The following PAGR1 variants were observed in gnomAD, a reference collection of about 807,000 sequenced individuals.
PAGR1 encodes PAXIP1-associated glutamate-rich protein 1.
PAGR1 carries 20 observed loss-of-function variants against 22.4 expected under a neutral mutation model. That is an observed-to-expected ratio of 0.89 (90% CI 0.63 to 1.30). PAGR1 has a LOEUF of 1.30. Ranked by LOEUF, PAGR1 falls within the 50% of genes most tolerant of loss-of-function variation. The pLI, the probability that PAGR1 is intolerant of heterozygous loss-of-function variation, is 0.00. For synonymous variants in PAGR1, 161 were observed against 148.3 expected (o/e 1.09, Z -0.62); for missense variants, 338 against 343.6 (o/e 0.98, Z 0.13).
chr16:29,818,749 G>A (rs1900297895), intron 2 of PAGR1, among the ~76,000 whole-genome samples: 1 of 152,162 alleles, frequency 6.6e-6, no homozygotes, highest in African/African-American at 2.4e-5. Context: ...TTCTAGTAGA[G>A]AGGGGGTTTC....
rs370717894 is a variant in PAGR1 at position 29,819,551 on chromosome 16, C to T, written c.566-4C>T. The T allele has an allele frequency of 1.9e-6, 3 of 1,613,900 alleles. No individual in the cohort carries two copies. Among genetic ancestry groups the T allele is most frequent in the Middle Eastern group, 1.6e-4 (1 of 6,084 alleles). On this transcript the variant is annotated splice_polypyrimidine_tract_variant and splice_region_variant and intron_variant, in intron 2 of 2. Transcript: ENST00000320330. The stretch of plus-strand genomic sequence containing the variant: ...TCCATGTATCTTACCTTCCTCTTCT[C>T]CAGGAAGCTCAGCCCGGAGCCAGAA...
Position 29,819,995 on chromosome 16 carries a change from T to G in PAGR1, c.*241T>G. 1 of 512,538 alleles carries G rather than the reference T, an allele frequency of 2.0e-6. No homozygotes were observed. The highest frequency in any genetic ancestry group is 3.1e-5 in the South Asian group (1 of 32,618). 31.7% of individuals were successfully genotyped at this position (512,538 alleles called of 1,614,324 possible). On this transcript the variant is annotated 3_prime_UTR_variant, in exon 3 of 3. Coordinates refer to ENST00000320330, the MANE Select transcript of PAGR1 (RefSeq NM_024516.4). ...ACCTATAGAGAGAGTGTGTGTGTTT[T>G]CTATTGAACATCTATATAGAGAGAG...
rs777941165 is a variant in PAGR1 at position 29,821,687 on chromosome 16, C to G, written c.*1933C>G. On this transcript the variant is annotated 3_prime_UTR_variant, in exon 3 of 3. Transcript: ENST00000320330. ...TACAGTTATAGCCAGGTTGGACTTCCGGCTCCGTCCTTTGATAACTGTGTG... is the reference window on the plus strand; with the variant it reads ...TACAGTTATAGCCAGGTTGGACTTCGGGCTCCGTCCTTTGATAACTGTGTG... Among the ~76,000 whole-genome samples, 1 of 152,192 alleles carries G rather than the reference C, an allele frequency of 6.6e-6. No individual in the cohort carries two copies. The highest frequency in any genetic ancestry group is 2.1e-4 in the South Asian group (1 of 4,832).
At chr16:29,819,324 C>A in intron 2 of PAGR1, 1 of 561,700 alleles carries the variant, frequency 1.8e-6, no homozygotes. Context: ...CCTTGCCATT[C>A]CCCTGCCCAG....
Position 29,817,259 on chromosome 16 carries a change from A to C in PAGR1, c.532A>C (p.Lys178Gln). 6.2e-7 allele frequency: 1 copy of C among 1,613,928 alleles called. No homozygotes were observed. Among genetic ancestry groups the C allele is most frequent in the Non-Finnish European group, 8.5e-7 (1 of 1,179,968 alleles). ...FDFDDEPVTPKDSLIDRRRTP... is the reference protein window; with the variant it reads ...FDFDDEPVTPQDSLIDRRRTP... ...TTTTGATGATGAGCCAGTGACACCA[A>C]AGGACTCCCTGATTGACCGGAGACG... The change falls in exon 2 of 3, where the codon AAG becomes CAG. Residue 178 changes from lysine (K) to glutamine (Q), a missense_variant. Physicochemically the swap from Lys to Gln is moderately conservative, Grantham distance 53. Around this residue, in one of 3 missense-constraint regions of PAGR1, gnomAD observed 51 missense variants for 83.1 expected, o/e 0.61. Coordinates refer to ENST00000320330, the MANE Select transcript of PAGR1 (RefSeq NM_024516.4).
chr16:29,821,438 T>A lies in PAGR1; in HGVS notation c.*1684T>A, dbSNP rs1162687066. ...GGTGGCCCAGAGACAGCCTCAGGGC[T>A]CCAAGGTAACGGGGTGCTCAGGTTA... On this transcript the variant is annotated 3_prime_UTR_variant, in exon 3 of 3. Coordinates refer to ENST00000320330, the MANE Select transcript of PAGR1 (RefSeq NM_024516.4). The A allele has an allele frequency of 6.6e-6, 1 of 152,188 alleles. No individual in the cohort carries two copies. Among genetic ancestry groups the A allele is most frequent in the Non-Finnish European group, 1.5e-5 (1 of 68,060 alleles). 9.4% of individuals were successfully genotyped at this position (152,188 alleles called of 1,614,324 possible).
chr16:29,817,559 C>T (rs534048469), intron 2 of PAGR1, among the ~76,000 whole-genome samples: 2 of 147,222 alleles, frequency 1.4e-5, no homozygotes, highest in South Asian at 2.2e-4. Context: ...CTGCAACCTC[C>T]GCCTCCTGGG....
intron 2 of PAGR1, among the ~76,000 whole-genome samples, chr16:29,817,794 A>G (rs1900281777): frequency 6.6e-6 from 1 of 151,978 alleles, no homozygotes; most frequent in African/African-American, 2.4e-5. Flanking sequence ...TTAAGAGACA[A>G]TTATAATACA....
chr16:29,816,458 C>A lies in PAGR1; in HGVS notation c.-68C>A. ...ACGGTCCCGAACCCCCAGGGGAGCC[C>A]GATCCCTGGGGGACCCTGGCTTCGG... On this transcript the variant is annotated 5_prime_UTR_variant, in exon 1 of 3. Transcript: ENST00000320330. 2 of 1,374,678 alleles carry A rather than the reference C, an allele frequency of 1.5e-6. No homozygotes were observed. The highest frequency in any genetic ancestry group is 2.6e-5 in the East Asian group (1 of 38,184). The allele number at this position is 1,374,678 out of a possible 1,614,324, so 85.2% of individuals were successfully genotyped here. A position where few individuals can be genotyped will look rare whatever the true frequency, so the allele number is the denominator to read the frequency against.
In PAGR1 at chr16:29,816,449, A is replaced by T; in HGVS notation, c.-77A>T. On this transcript the variant is annotated 5_prime_UTR_variant, in exon 1 of 3. Coordinates refer to ENST00000320330, the MANE Select transcript of PAGR1 (RefSeq NM_024516.4). ...TGGCTGGAAACGGTCCCGAACCCCC[A>T]GGGGAGCCCGATCCCTGGGGGACCC... is the stretch of plus-strand genomic sequence containing the variant. 1 of 1,360,120 alleles carries T rather than the reference A, an allele frequency of 7.4e-7. No individual in the cohort carries two copies. The highest frequency in any genetic ancestry group is 9.6e-7 in the Non-Finnish European group (1 of 1,045,798). 84.3% of individuals were successfully genotyped at this position (1,360,120 alleles called of 1,614,324 possible). A position where few individuals can be genotyped will look rare whatever the true frequency, so the allele number is the denominator to read the frequency against.
Position 29,816,555 on chromosome 16 carries a change from T to G in PAGR1, c.30T>G (p.Thr10=), listed in dbSNP as rs879756491. 11 of 1,511,400 alleles carry G rather than the reference T, an allele frequency of 7.3e-6. No homozygotes were observed. The highest frequency in any genetic ancestry group is 7.1e-6 in the Non-Finnish European group (8 of 1,132,188). 93.6% of individuals were successfully genotyped at this position (1,511,400 alleles called of 1,614,324 possible). Residue 10 remains threonine (T), a synonymous_variant, in exon 1 of 3, where the codon ACT becomes ACG. Coordinates refer to ENST00000320330, the MANE Select transcript of PAGR1 (RefSeq NM_024516.4). The part of the protein sequence containing the change: MSLARGHGD[T]AASTAAPLSE... The stretch of plus-strand genomic sequence containing the variant: ...CCCTTGCTCGGGGCCATGGAGACAC[T>G]GCGGCCAGTACGGCGGCGCCTCTGT...
rs549866532 is a variant in PAGR1 at position 29,819,897 on chromosome 16, G to A, written c.*143G>A. ...CAGCACGTTGCGGGAAAGAGGAAGA[G>A]AGAGTGTGAGTGTGTGTGTGTGTTT... is the stretch of plus-strand genomic sequence containing the variant. On this transcript the variant is annotated 3_prime_UTR_variant, in exon 3 of 3. Transcript: ENST00000320330. The A allele has an allele frequency of 2.9e-4, 262 of 909,314 alleles. 5 individuals are homozygous for A. In the South Asian group the frequency reaches 3.3e-3, roughly 11 times the overall value. 56.3% of individuals were successfully genotyped at this position (909,314 alleles called of 1,614,324 possible). A position where few individuals can be genotyped will look rare whatever the true frequency, so the allele number is the denominator to read the frequency against.
rs775322581 is a variant in PAGR1 at position 29,821,320 on chromosome 16, C to T, written c.*1566C>T. 4 of 152,358 alleles carry T rather than the reference C, an allele frequency of 2.6e-5. No individual in the cohort carries two copies. Among genetic ancestry groups the T allele is most frequent in the Non-Finnish European group, 5.9e-5 (4 of 68,176 alleles). 9.4% of individuals were successfully genotyped at this position (152,358 alleles called of 1,614,324 possible). A position where few individuals can be genotyped will look rare whatever the true frequency, so the allele number is the denominator to read the frequency against. ...GGCTCTGCCAGAAACTCCCTTGGCA[C>T]ACAGAGCACTGGGTCGGCCCTCGGG... On this transcript the variant is annotated 3_prime_UTR_variant, in exon 3 of 3. Transcript: ENST00000320330.
intron 1 of PAGR1, 41 bp from the exon 2 acceptor site, chr16:29,817,169 G>A (rs2150746246): frequency 6.2e-7 from 1 of 1,612,972 alleles, no homozygotes; most frequent in Non-Finnish European, 8.5e-7. Flanking sequence ...TGGGTGGGAG[G>A]GAGGACCGCC....
At position 29,816,541 on chromosome 16, in the gene PAGR1, G is replaced by A. The variant is rs1333768310; in HGVS notation, c.16G>A (p.Gly6Ser). Residue 6 changes from glycine to serine, a missense_variant, in exon 1 of 3, where the codon GGC becomes AGC. Physicochemically the swap from Gly to Ser is moderately conservative, Grantham distance 56. This residue lies in a region of PAGR1 where 235 missense variants were observed against 216.0 expected (regional missense o/e 1.09). Transcript: ENST00000320330. ...CTAGTGGCCTATGTCCCTTGCTCGGGGCCATGGAGACACTGCGGCCAGTAC... is the reference window on the plus strand; with the variant it reads ...CTAGTGGCCTATGTCCCTTGCTCGGAGCCATGGAGACACTGCGGCCAGTAC... MSLAR[G>S]HGDTAASTAA... is the part of the protein sequence containing the mutation. The A allele has an allele frequency of 2.6e-6, 4 of 1,509,594 alleles. No homozygotes were observed. The African/African-American group carries it at 5.6e-5, about 21-fold the overall frequency. 93.5% of individuals were successfully genotyped at this position (1,509,594 alleles called of 1,614,324 possible).
chr16:29,822,478 A>C lies in PAGR1; in HGVS notation c.*2724A>C, dbSNP rs1025831985. On this transcript the variant is annotated 3_prime_UTR_variant, in exon 3 of 3. Transcript: ENST00000320330. ...AAGACTAGAATATTTAACTTAAATC[A>C]GTGAGAAACTCTGTGAAGTTGTGTC... The C allele has an allele frequency of 6.6e-6, 1 of 152,090 alleles. No homozygotes were observed. Among genetic ancestry groups the C allele is most frequent in the Non-Finnish European group, 1.5e-5 (1 of 68,032 alleles). The allele number at this position is 152,090 out of a possible 1,614,324, so 9.4% of individuals were successfully genotyped here. A position where few individuals can be genotyped will look rare whatever the true frequency, so the allele number is the denominator to read the frequency against.
In PAGR1 at chr16:29,816,553, A is replaced by C; in HGVS notation, c.28A>C (p.Thr10Pro). 6.6e-7 allele frequency: 1 copy of C among 1,511,572 alleles called. No homozygotes were observed. Among genetic ancestry groups the C allele is most frequent in the Non-Finnish European group, 8.8e-7 (1 of 1,132,278 alleles). 93.6% of individuals were successfully genotyped at this position (1,511,572 alleles called of 1,614,324 possible). A position where few individuals can be genotyped will look rare whatever the true frequency, so the allele number is the denominator to read the frequency against. MSLARGHGD[T>P]AASTAAPLSE... ...GTCCCTTGCTCGGGGCCATGGAGAC[A>C]CTGCGGCCAGTACGGCGGCGCCTCT... The change falls in exon 1 of 3, where the codon ACT (threonine) becomes CCT (proline). Residue 10 changes from threonine (T) to proline (P), a missense_variant. This residue lies in a region of PAGR1 where 235 missense variants were observed against 216.0 expected (regional missense o/e 1.09). Transcript: ENST00000320330.
Position 29,819,796 on chromosome 16 carries a change from C to G in PAGR1, c.*42C>G, listed in dbSNP as rs557754421. 3 of 1,563,906 alleles carry G rather than the reference C, an allele frequency of 1.9e-6. No homozygotes were observed. The highest frequency in any genetic ancestry group is 1.4e-5 in the African/African-American group (1 of 73,936). On this transcript the variant is annotated 3_prime_UTR_variant, in exon 3 of 3. Transcript: ENST00000320330. ...CTCTAGGGTGCAGTGTCCGTACCTG[C>G]TGGAGCCTGGGCCCTCCTTCCCCAG...
chr16:29,820,065 G>T lies in PAGR1; in HGVS notation c.*311G>T, dbSNP rs894717395. 3.4e-6 allele frequency: 1 copy of T among 291,370 alleles called. No individual in the cohort carries two copies. 18.0% of individuals were successfully genotyped at this position (291,370 alleles called of 1,614,324 possible). On this transcript the variant is annotated 3_prime_UTR_variant, in exon 3 of 3. Coordinates refer to ENST00000320330, the MANE Select transcript of PAGR1 (RefSeq NM_024516.4). ...TATTGAACACCTATTCAGAGACCTG[G>T]ACTGAATTTTCTGAGTCTGAAATAA...
Sources: gnomAD v4.1 joint callset for allele counts (sites outside exome capture counted in the v4.1 genomes callset) on GRCh38, gnomAD v4.1.1 for gene constraint, gnomAD v4.1.1 regional missense constraint, MANE v1.5 for transcripts, NCBI Gene and HGNC (gene_info 2026-07-23, HGNC 2026-07-21) for gene names.